NRXN3: variants seen among roughly 807,000 people sequenced by gnomAD.
NRXN3 encodes the protein neurexin 3, also known as neurexin III.
Under a neutral mutation model 137.6 loss-of-function variants are expected in NRXN3, and 32 were observed. That is an observed-to-expected ratio of 0.23 (90% CI 0.18 to 0.31). NRXN3 has a LOEUF of 0.31. NRXN3 is among the 10% of genes least tolerant of loss of function. The pLI, the probability that NRXN3 is intolerant of heterozygous loss-of-function variation, is 1.00. For synonymous variants in NRXN3, 798 were observed against 784.5 expected (o/e 1.02, Z -0.29); for missense variants, 1,574 against 2,062.5 (o/e 0.76, Z 4.59).
intron 4 of NRXN3, among the ~76,000 whole-genome samples, chr14:78,593,243 T>G (rs1350943115): frequency 2.0e-5 from 3 of 152,118 alleles, no homozygotes; most frequent in Admixed American, 6.5e-5. Context: ...CACCCCCTCT[T>G]CTCTATTTAA....
Position 78,569,819 on chromosome 14 carries a change from C to T in NRXN3, c.758-75301C>T, listed in dbSNP as rs573658132. Among the ~76,000 whole-genome samples, 11 of 152,204 alleles carry T rather than the reference C, an allele frequency of 7.2e-5. No individual in the cohort carries two copies. In the South Asian group the frequency reaches 2.3e-3, roughly 32 times the overall value. On this transcript the variant is annotated intron_variant, in intron 4 of 20. Coordinates refer to ENST00000335750, the MANE Select transcript of NRXN3 (RefSeq NM_001330195.2). ...AAGTGATCTACCCGCCTCGGCCTCC[C>T]AAAGTGTCCAGAACTCCTAGACTCA... is the stretch of plus-strand genomic sequence containing the variant.
At chr14:78,251,584 A>C (rs1247132200) in intron 2 of NRXN3, among the ~76,000 whole-genome samples, 1 of 152,156 alleles carries the variant, frequency 6.6e-6, no homozygotes, top group Non-Finnish European at 1.5e-5. Flanking sequence ...ACCAGTGACC[A>C]TTCATCACAG....
intron 16 of NRXN3, among the ~76,000 whole-genome samples, chr14:79,662,829 G>A (rs2098540501): frequency 6.6e-6 from 1 of 151,920 alleles, no homozygotes; most frequent in Admixed American, 6.6e-5. Context: ...ACGAGAACAG[G>A]ACCAAGGGAA....
intron 15 of NRXN3, among the ~76,000 whole-genome samples, chr14:79,314,794 A>G (rs571996577): frequency 2.1e-5 from 3 of 144,648 alleles, no homozygotes; most frequent in African/African-American, 7.7e-5. Context: ...GGCACCCCCC[A>G]GCAGGGGTAC....
At chr14:78,542,684 A>G (rs1207250765) in intron 4 of NRXN3, among the ~76,000 whole-genome samples, 1 of 151,954 alleles carries the variant, frequency 6.6e-6, no homozygotes, top group Non-Finnish European at 1.5e-5. Flanking sequence ...CTTGCCCTCC[A>G]TGGGCTACAC....
intron 15 of NRXN3, among the ~76,000 whole-genome samples, chr14:79,388,009 G>A (rs1464418175): frequency 2.7e-5 from 4 of 150,806 alleles, no homozygotes; most frequent in African/African-American, 9.8e-5. Flanking sequence ...TGTAAATGAC[G>A]AGTTAATGGG....
intron 10 of NRXN3, among the ~76,000 whole-genome samples, chr14:78,881,090 G>A (rs2099128015): frequency 6.6e-6 from 1 of 151,580 alleles, no homozygotes; most frequent in Middle Eastern, 3.2e-3. Flanking sequence ...GCTGTCATGT[G>A]AAGAAGGATG....
At chr14:79,081,716 C>T (rs529522290) in intron 15 of NRXN3, among the ~76,000 whole-genome samples, 2 of 151,778 alleles carry the variant, frequency 1.3e-5, no homozygotes, top group East Asian at 3.9e-4. Flanking sequence ...CAAAAATGCT[C>T]TTATAGAGGT....
At chr14:78,223,737 GA>G (rs1181818397) in intron 1 of NRXN3, among the ~76,000 whole-genome samples, 1 of 152,242 alleles carries the variant, frequency 6.6e-6, no homozygotes, top group Non-Finnish European at 1.5e-5. Flanking sequence ...CTTATGTAGA[GA>G]TGTGGCCAGA....
chr14:79,202,141 A>C (rs1023886341), intron 15 of NRXN3, among the ~76,000 whole-genome samples: 2 of 151,756 alleles, frequency 1.3e-5, no homozygotes, highest in African/African-American at 4.8e-5. Context: ...TGCCCAAGAT[A>C]AACAAGAGTC....
At chr14:79,450,825 C>T (rs113644179) in intron 15 of NRXN3, among the ~76,000 whole-genome samples, 4,539 of 150,942 alleles carry the variant, frequency 0.03, 241 homozygotes, top group African/African-American at 0.11. Context: ...GGGCTCACGC[C>T]ACTGCACTCC....
chr14:78,697,723 T>C (rs904420727), intron 6 of NRXN3, among the ~76,000 whole-genome samples: 2 of 152,010 alleles, frequency 1.3e-5, no homozygotes, highest in Non-Finnish European at 2.9e-5. Context: ...AAACCTTTTT[T>C]GGAAAAAAAT....
rs541158479 is a variant in NRXN3 at position 79,862,302 on chromosome 14, G to A, written c.*338G>A. On this transcript the variant is annotated 3_prime_UTR_variant, in exon 21 of 21. Transcript: ENST00000335750. Reference sequence around the variant, plus strand: ...AGGCCTGGAAACTTCCTTCTCCGGAGGACCTTTTACTAAAAGGTAGAAGAC... The same window carrying A: ...AGGCCTGGAAACTTCCTTCTCCGGAAGACCTTTTACTAAAAGGTAGAAGAC... 6 of 204,122 alleles carry A rather than the reference G, an allele frequency of 2.9e-5. 1 individual carries two copies. The South Asian group carries it at 6.8e-4, about 23-fold the overall frequency. 12.6% of individuals were successfully genotyped at this position (204,122 alleles called of 1,614,324 possible).
intron 15 of NRXN3, among the ~76,000 whole-genome samples, chr14:79,457,582 GAATCA>G (rs976861796): frequency 6.6e-5 from 10 of 152,252 alleles, no homozygotes; most frequent in African/African-American, 2.2e-4. Context: ...GTGTCTCATA[GAATCA>G]AATCATCACC....
At chr14:79,619,196 T>C (rs150882651) in intron 16 of NRXN3, among the ~76,000 whole-genome samples, 2 of 152,284 alleles carry the variant, frequency 1.3e-5, no homozygotes, top group African/African-American at 4.8e-5. Context: ...GTGCAAAAAG[T>C]CTTTAGTTTA....
At position 79,836,812 on chromosome 14, in the gene NRXN3, AC is replaced by A. The variant is rs2099345027; in HGVS notation, c.4094-24529del. ...CATTGTTTACATAGCACCCACACAC[AC>A]ACAAAAAATCCTGACTCACTAGCTT... On this transcript the variant is annotated intron_variant, in intron 20 of 20. Coordinates refer to ENST00000335750, the MANE Select transcript of NRXN3 (RefSeq NM_001330195.2). Among the ~76,000 whole-genome samples, 3 of 152,214 alleles carry A rather than the reference AC, an allele frequency of 2.0e-5. No individual in the cohort carries two copies. In the South Asian group the frequency reaches 6.2e-4, roughly 32 times the overall value.
chr14:79,637,270 A>G (rs2098408790), intron 16 of NRXN3, among the ~76,000 whole-genome samples: 1 of 152,216 alleles, frequency 6.6e-6, no homozygotes, highest in African/African-American at 2.4e-5. Context: ...TACACAGATC[A>G]AGTGTTAAAG....
intron 15 of NRXN3, among the ~76,000 whole-genome samples, chr14:79,354,886 A>G (rs1390919171): frequency 6.6e-6 from 1 of 152,180 alleles, no homozygotes; most frequent in East Asian, 1.9e-4. Context: ...ATGCTGACAT[A>G]TGAGGATTGT....
chr14:78,987,630 G>T (rs2099509655), intron 14 of NRXN3, among the ~76,000 whole-genome samples: 1 of 151,664 alleles, frequency 6.6e-6, no homozygotes. Context: ...AAAAAACACT[G>T]TGCCTTAATT....
Sources: allele counts gnomAD v4.1 joint callset (sites outside exome capture counted in the v4.1 genomes callset), GRCh38; gene constraint gnomAD v4.1.1; transcripts MANE v1.5; gene names NCBI Gene and HGNC (gene_info 2026-07-23, HGNC 2026-07-21).